The following ARHGAP42 variants were observed in gnomAD, a reference collection of about 807,000 sequenced individuals.
ARHGAP42 encodes the protein rho GTPase-activating protein 42.
A neutral mutation model predicts 125.0 loss-of-function variants in ARHGAP42; 63 were observed. The observed-to-expected ratio is 0.50, with a 90% CI of 0.41 to 0.62. The LOEUF (loss-of-function observed/expected upper bound fraction) is 0.62. Among genes scored for constraint, ARHGAP42 ranks in the 20% least tolerant of loss-of-function variants. The probability of loss-of-function intolerance (pLI) is 0.00; values close to 1 mark genes in which losing one functional copy is unlikely to be tolerated. For missense variants in ARHGAP42, 766 were observed against 1,024.2 expected (o/e 0.75, Z 3.44); for synonymous variants, 339 against 351.0 (o/e 0.97, Z 0.38).
chr11:100,993,540 T>C lies in ARHGAP42; in HGVS notation c.*4739T>C, dbSNP rs1858897834. 6.0e-6 allele frequency: 1 copy of C among 167,056 alleles called. No individual in the cohort carries two copies. Among genetic ancestry groups the C allele is most frequent in the Non-Finnish European group, 1.5e-5 (1 of 68,112 alleles). The allele number at this position is 167,056 out of a possible 1,614,324, so 10.3% of individuals were successfully genotyped here. A position where few individuals can be genotyped will look rare whatever the true frequency, so the allele number is the denominator to read the frequency against. On this transcript the variant is annotated 3_prime_UTR_variant, in exon 24 of 24. Transcript: ENST00000298815. ...GATTTTCAGAGTCCTTCTTGATTTC[T>C]GAGCTGAAACCTTAACAAATAGGGA...
chr11:100,892,379 A>C (rs1866240416), intron 4 of ARHGAP42, among the ~76,000 whole-genome samples: 1 of 152,062 alleles, frequency 6.6e-6, no homozygotes, highest in African/African-American at 2.4e-5. Flanking sequence ...TCTTGATGGG[A>C]TCAAATTATA....
intron 13 of ARHGAP42, 85 bp downstream of exon 13, chr11:100,960,030 G>A: frequency 8.3e-7 from 1 of 1,208,408 alleles, no homozygotes. Context: ...AATCATTGAA[G>A]ATGTATTTGG....
chr11:100,802,556 C>T (rs775801894), intron 3 of ARHGAP42, among the ~76,000 whole-genome samples: 12 of 151,804 alleles, frequency 7.9e-5, no homozygotes, highest in Non-Finnish European at 1.6e-4. Context: ...TCCTGAGTAG[C>T]TAGGACTACA....
At chr11:100,818,756 TTTTGTTTGTTTG>T (rs199984732) in intron 3 of ARHGAP42, among the ~76,000 whole-genome samples, 1 of 152,188 alleles carries the variant, frequency 6.6e-6, no homozygotes, top group Middle Eastern at 3.4e-3. Context: ...TTTTCTCTGT[TTTTGTTTGTTTG>T]TTTGTTTGTT....
chr11:100,709,527 GTTTC>G (rs1161379664), intron 1 of ARHGAP42, among the ~76,000 whole-genome samples: 1 of 152,132 alleles, frequency 6.6e-6, no homozygotes, highest in African/African-American at 2.4e-5. Flanking sequence ...AAAACTGGTT[GTTTC>G]TTTCTGGAAT....
chr11:100,857,330 A>G (rs1012907417), intron 3 of ARHGAP42, among the ~76,000 whole-genome samples: 2 of 152,186 alleles, frequency 1.3e-5, no homozygotes, highest in Admixed American at 1.3e-4. Context: ...GTGGCTGTTA[A>G]TTATTCTGTT....
intron 21 of ARHGAP42, among the ~76,000 whole-genome samples, chr11:100,977,205 G>T (rs530913987): frequency 6.6e-6 from 1 of 152,300 alleles, no homozygotes; most frequent in Non-Finnish European, 1.5e-5. Context: ...TTCCTTTGAA[G>T]CAGAGCTATG....
At chr11:100,965,574 G>C in intron 16 of ARHGAP42, 97 bp from the exon 17 acceptor site, 4 of 984,374 alleles carry the variant, frequency 4.1e-6, no homozygotes, top group Non-Finnish European at 4.7e-6. Context: ...TGAGGCATGA[G>C]GGGTAGGAGT....
At chr11:100,766,847 C>T (rs1862841527) in intron 1 of ARHGAP42, among the ~76,000 whole-genome samples, 1 of 152,136 alleles carries the variant, frequency 6.6e-6, no homozygotes, top group African/African-American at 2.4e-5. Flanking sequence ...CAGACATCCC[C>T]TTCATTCTTG....
intron 17 of ARHGAP42, among the ~76,000 whole-genome samples, chr11:100,968,910 T>C (rs888406927): frequency 3.5e-5 from 5 of 141,268 alleles, no homozygotes. Context: ...TTTAATTACA[T>C]AATTACCTAC....
At chr11:100,943,917 C>T (rs1342535660) in intron 10 of ARHGAP42, 49 bp downstream of exon 10, 1 of 1,205,054 alleles carries the variant, frequency 8.3e-7, no homozygotes, top group Non-Finnish European at 1.2e-6. Context: ...TAAACGGTGT[C>T]TCTTTCTGTA....
At chr11:100,964,814 A>C (rs993728362) in intron 16 of ARHGAP42, among the ~76,000 whole-genome samples, 1 of 152,166 alleles carries the variant, frequency 6.6e-6, no homozygotes, top group African/African-American at 2.4e-5. Flanking sequence ...CTAACATTTC[A>C]GAACAGCCCT....
At chr11:100,957,581 G>A (rs903711345) in intron 12 of ARHGAP42, among the ~76,000 whole-genome samples, 1 of 152,066 alleles carries the variant, frequency 6.6e-6, no homozygotes, top group African/African-American at 2.4e-5. Flanking sequence ...CAAAGCAAAG[G>A]ATGGTCAAAG....
In ARHGAP42 at chr11:100,993,700, A is replaced by G. The variant is rs1210703916; in HGVS notation, c.*4899A>G. ...CAGTACTAGGAGCTTCTTTGCAGTC[A>G]TTAACATGACAAATTAAGTAATAAA... is the stretch of plus-strand genomic sequence containing the variant. On this transcript the variant is annotated 3_prime_UTR_variant, in exon 24 of 24. Transcript: ENST00000298815. The G allele has an allele frequency of 2.4e-5, 4 of 167,112 alleles. No individual in the cohort carries two copies. Among genetic ancestry groups the G allele is most frequent in the Non-Finnish European group, 4.4e-5 (3 of 68,128 alleles). The allele number at this position is 167,112 out of a possible 1,614,324, so 10.4% of individuals were successfully genotyped here.
chr11:100,941,814 A>G lies in ARHGAP42; in HGVS notation c.863A>G (p.Tyr288Cys). Residue 288 changes from tyrosine (Y) to cysteine (C), a missense_variant, in exon 9 of 24, where the codon TAT becomes TGT. By Grantham distance (194) the Tyr-to-Cys change is radical. This residue lies in a region of ARHGAP42 where 455 missense variants were observed against 636.5 expected (regional missense o/e 0.71). Coordinates refer to ENST00000298815, the MANE Select transcript of ARHGAP42 (RefSeq NM_152432.4). ...RPLGFTWIKHYCTYDKGSKTF... is the reference protein window; with the variant it reads ...RPLGFTWIKHCCTYDKGSKTF... Reference sequence around the variant, plus strand: ...CTTGGTTTTACATGGATTAAACATTATTGTACATATGATAAGGGAAGTAAA... The same window carrying G: ...CTTGGTTTTACATGGATTAAACATTGTTGTACATATGATAAGGGAAGTAAA... 6.5e-7 allele frequency: 1 copy of G among 1,535,680 alleles called. No homozygotes were observed. Among genetic ancestry groups the G allele is most frequent in the Non-Finnish European group, 8.8e-7 (1 of 1,142,546 alleles).
rs1407694109 is a variant in ARHGAP42 at position 100,859,537 on chromosome 11, T to C, written c.313-17T>C. ...GAAATTATGCAAGATTTAATATATGTGCATTTTTTATTTCAGATCCAAAAC... is the reference window on the plus strand; with the variant it reads ...GAAATTATGCAAGATTTAATATATGCGCATTTTTTATTTCAGATCCAAAAC... On this transcript the variant is annotated splice_polypyrimidine_tract_variant and intron_variant, in intron 3 of 23. Coordinates refer to ENST00000298815, the MANE Select transcript of ARHGAP42 (RefSeq NM_152432.4). The C allele has an allele frequency of 3.9e-6, 6 of 1,527,596 alleles. No individual in the cohort carries two copies. In the South Asian group the frequency reaches 5.1e-5, roughly 13 times the overall value. The allele number at this position is 1,527,596 out of a possible 1,614,324, so 94.6% of individuals were successfully genotyped here. A position where few individuals can be genotyped will look rare whatever the true frequency, so the allele number is the denominator to read the frequency against.
At chr11:100,709,088 G>GGAGTGCA (rs1439780968) in intron 1 of ARHGAP42, among the ~76,000 whole-genome samples, 3 of 151,866 alleles carry the variant, frequency 2.0e-5, no homozygotes, top group African/African-American at 7.3e-5. Flanking sequence ...CACCCAGGGT[G>GGAGTGCA]GAGTGCAGTG....
intron 1 of ARHGAP42, among the ~76,000 whole-genome samples, chr11:100,741,968 A>T (rs141440689): frequency 3.8e-4 from 57 of 151,996 alleles, no homozygotes; most frequent in African/African-American, 1.2e-3. Context: ...CTTTTTCAAT[A>T]AAAAAAACCT....
chr11:100,910,381 T>C (rs1224292089), intron 4 of ARHGAP42, among the ~76,000 whole-genome samples: 2 of 152,200 alleles, frequency 1.3e-5, no homozygotes, highest in Non-Finnish European at 2.9e-5. Flanking sequence ...TATTTTATTG[T>C]GATTTTATTT....
Sources: allele counts gnomAD v4.1 joint callset (sites outside exome capture counted in the v4.1 genomes callset), GRCh38; gene constraint gnomAD v4.1.1; regional missense constraint gnomAD v4.1.1; transcripts MANE v1.5; gene names NCBI Gene and HGNC (gene_info 2026-07-23, HGNC 2026-07-21).